The following LIPA variants were observed in gnomAD, a reference collection of about 807,000 sequenced individuals.
LIPA encodes lysosomal acid lipase/cholesteryl ester hydrolase.
Under a neutral mutation model 40.6 loss-of-function variants are expected in LIPA, and 26 were observed. The ratio of observed to expected loss-of-function variants is 0.64; its 90% CI spans 0.47 to 0.89. The LOEUF (loss-of-function observed/expected upper bound fraction) is 0.89, where lower values mean the gene tolerates loss of function less well. Among genes scored for constraint, LIPA ranks in the 40% least tolerant of loss-of-function variants. The pLI is 0.00. For synonymous variants in LIPA, 188 were observed against 168.4 expected (o/e 1.12, Z -0.90); for missense variants, 455 against 479.6 (o/e 0.95, Z 0.48).
chr10:89,402,018 T>C (rs1451818647), intron 2 of LIPA, among the ~76,000 whole-genome samples: 1 of 152,220 alleles, frequency 6.6e-6, no homozygotes, highest in Non-Finnish European at 1.5e-5. Flanking sequence ...CCCAGTGTGA[T>C]AAATACTATC....
chr10:89,307,013 G>A (rs1843485686), intron 1 of LIPA: 1 of 1,613,920 alleles, frequency 6.2e-7, no homozygotes, highest in Non-Finnish European at 8.5e-7. Context: ...GTATGAAGAC[G>A]CAGAGTATTA....
intron 1 of LIPA, chr10:89,301,861 G>C (rs967232211): frequency 1.6e-5 from 6 of 372,678 alleles, no homozygotes; most frequent in Admixed American, 1.3e-4. Context: ...TTCTTTCTCT[G>C]ATCACAACTC....
intron 2 of LIPA, among the ~76,000 whole-genome samples, chr10:89,361,405 T>C (rs923173299): frequency 7.9e-5 from 12 of 152,206 alleles, no homozygotes; most frequent in Admixed American, 2.6e-4. Context: ...ATTTCTGCCT[T>C]GGGGAAAGAA....
At chr10:89,312,340 C>A (rs748438837) in intron 1 of LIPA, among the ~76,000 whole-genome samples, 11 of 151,962 alleles carry the variant, frequency 7.2e-5, no homozygotes, top group Non-Finnish European at 1.6e-4. Context: ...ACTTGGGATG[C>A]TGAGGTAGGA....
At chr10:89,305,244 A>C (rs1187361235) in intron 1 of LIPA, among the ~76,000 whole-genome samples, 2 of 152,178 alleles carry the variant, frequency 1.3e-5, no homozygotes, top group African/African-American at 4.8e-5. Flanking sequence ...TAAGATTCAA[A>C]TGGTTAAAAT....
chr10:89,378,007 C>G, intron 2 of LIPA: 1 of 917,680 alleles, frequency 1.1e-6, no homozygotes, highest in Non-Finnish European at 1.7e-6. Context: ...TAAAAAACTG[C>G]CTGGATATAC....
chr10:89,394,807 G>A (rs1844318322), intron 2 of LIPA, among the ~76,000 whole-genome samples: 1 of 151,594 alleles, frequency 6.6e-6, no homozygotes, highest in Admixed American at 6.6e-5. Flanking sequence ...CTCGCTATGT[G>A]GAGAAACTGC....
rs996832632 is a variant in LIPA at position 89,286,520 on chromosome 10, T to C, written c.-1-38871A>G. On this transcript the variant is annotated intron_variant, in intron 1 of 5. Coordinates refer to the LIPA transcript ENST00000282673. Reference sequence around the variant, plus strand: ...AAGGTGGCTGGAGCTAAAGGCATAGTCAAGGTTAATGCTCCTTTTTCTTTA... The same window carrying C: ...AAGGTGGCTGGAGCTAAAGGCATAGCCAAGGTTAATGCTCCTTTTTCTTTA... Among the ~76,000 whole-genome samples the C allele has an allele frequency of 2.0e-5, 3 of 152,176 alleles. No homozygotes were observed. In the East Asian group the frequency reaches 5.8e-4, roughly 29 times the overall value.
intron 1 of LIPA, among the ~76,000 whole-genome samples, chr10:89,315,587 G>GA (rs35064797): frequency 0.01 from 1,564 of 149,946 alleles, 31 homozygotes; most frequent in African/African-American, 0.036. Flanking sequence ...AAAATGAAAA[G>GA]AAAAAAAAAA....
chr10:89,400,371 T>C (rs948681889), intron 2 of LIPA, among the ~76,000 whole-genome samples: 2 of 152,342 alleles, frequency 1.3e-5, no homozygotes, highest in East Asian at 3.9e-4. Flanking sequence ...TTGGGTAGTA[T>C]TGACATCTTA....
intron 1 of LIPA, among the ~76,000 whole-genome samples, chr10:89,260,357 C>G (rs562909873): frequency 6.6e-6 from 1 of 152,308 alleles, no homozygotes; most frequent in South Asian, 2.1e-4. Context: ...CCGAGCTGAA[C>G]AAGGATACCT....
chr10:89,375,425 A>G (rs7910157), intron 2 of LIPA, among the ~76,000 whole-genome samples: 5,298 of 152,262 alleles, frequency 0.035, 229 homozygotes, highest in African/African-American at 0.1. Context: ...CCTCAGAAGA[A>G]AACATCCCAT....
At chr10:89,395,926 T>A (rs1844336828) in intron 2 of LIPA, among the ~76,000 whole-genome samples, 4 of 152,258 alleles carry the variant, frequency 2.6e-5, no homozygotes, top group Admixed American at 2.0e-4. Flanking sequence ...TCATTCCTTT[T>A]TATGGCTACA....
chr10:89,368,011 G>C (rs1317371879), intron 2 of LIPA, among the ~76,000 whole-genome samples: 1 of 151,984 alleles, frequency 6.6e-6, no homozygotes, highest in Non-Finnish European at 1.5e-5. Flanking sequence ...TTTTTGTAGA[G>C]TTAGGTCTCA....
chr10:89,332,622 C>T, intron 1 of LIPA: 2 of 1,614,086 alleles, frequency 1.2e-6, no homozygotes, highest in Middle Eastern at 1.6e-4. Flanking sequence ...AAACAGCCAT[C>T]ATGAGGTAAA....
intron 1 of LIPA, among the ~76,000 whole-genome samples, chr10:89,295,284 G>T (rs917986710): frequency 6.6e-6 from 1 of 151,982 alleles, no homozygotes; most frequent in East Asian, 1.9e-4. Context: ...TAACAAGTGC[G>T]AATACTATTG....
intron 1 of LIPA, among the ~76,000 whole-genome samples, chr10:89,323,462 AG>A (rs1843582112): frequency 6.6e-6 from 1 of 151,988 alleles, no homozygotes; most frequent in Non-Finnish European, 1.5e-5. Context: ...ATGAAATAAA[AG>A]GCACCTAGAT....
intron 1 of LIPA, among the ~76,000 whole-genome samples, chr10:89,286,783 C>A (rs937514058): frequency 6.6e-6 from 1 of 152,242 alleles, no homozygotes; most frequent in Non-Finnish European, 1.5e-5. Flanking sequence ...ATTTAATTAA[C>A]CTTGCCTTCA....
chr10:89,413,886 T>C (rs1841502901), intron 1 of LIPA, among the ~76,000 whole-genome samples: 1 of 152,256 alleles, frequency 6.6e-6, no homozygotes, highest in South Asian at 2.1e-4. Flanking sequence ...TTTATTGTTA[T>C]ATTGACAGTA....
Sources: gnomAD v4.1 joint callset for allele counts (sites outside exome capture counted in the v4.1 genomes callset) on GRCh38, gnomAD v4.1.1 for gene constraint, MANE v1.5 for transcripts, NCBI Gene and HGNC (gene_info 2026-07-23, HGNC 2026-07-21) for gene names.